TSEN2: variants seen among roughly 807,000 people sequenced by gnomAD.
The protein encoded by TSEN2 is tRNA-splicing endonuclease subunit Sen2.
Under a neutral mutation model 59.2 loss-of-function variants are expected in TSEN2, and 54 were observed. The ratio of observed to expected loss-of-function variants is 0.91; its 90% confidence interval spans 0.73 to 1.14. The LOEUF (loss-of-function observed/expected upper bound fraction) is 1.14. TSEN2 is among the 50% of genes most tolerant of loss of function. The probability of loss-of-function intolerance (pLI) is 0.00; values close to 1 mark genes in which losing one functional copy is unlikely to be tolerated. For synonymous variants in TSEN2, 195 were observed against 198.2 expected (o/e 0.98, Z 0.14); for missense variants, 636 against 576.2 (o/e 1.10, Z -1.06).
At position 12,516,655 on chromosome 3, in the gene TSEN2, T is replaced by C; in HGVS notation, c.954T>C (p.Tyr318=). 3.7e-6 allele frequency: 6 copies of C among 1,613,992 alleles called. No homozygotes were observed. Among genetic ancestry groups the C allele is most frequent in the Middle Eastern group, 1.6e-4 (1 of 6,062 alleles). The change falls in exon 7 of 12, where the codon TAT becomes TAC. Residue 318 remains tyrosine (Y), a synonymous_variant. Transcript: ENST00000284995. ...CTCTGGGATGTTTAAGTATTTACTA[T>C]GAGAAGGTAAGATGCTTTGTTTACA... is the stretch of plus-strand genomic sequence containing the variant. ...VYALGCLSIY[Y]EKEPLTIVKL...
intron 4 of TSEN2, among the ~76,000 whole-genome samples, chr3:12,497,220 T>C (rs299649): frequency 0.55 from 83,582 of 151,992 alleles, 24,776 homozygotes; most frequent in African/African-American, 0.77. Flanking sequence ...CTCTCTGCAG[T>C]GCCACACTTT....
intron 6 of TSEN2, among the ~76,000 whole-genome samples, chr3:12,510,493 A>G (rs2055324496): frequency 6.6e-6 from 1 of 152,230 alleles, no homozygotes; most frequent in African/African-American, 2.4e-5. Context: ...TAGTCCCCAC[A>G]CAGGAGGACC....
intron 8 of TSEN2, among the ~76,000 whole-genome samples, chr3:12,525,069 A>G (rs13085459): frequency 0.09 from 13,714 of 151,890 alleles, 768 homozygotes; most frequent in Admixed American, 0.17. Context: ...TGGTCACTCT[A>G]CCTTCTTGTT....
At chr3:12,517,090 G>T (rs773276820) in intron 7 of TSEN2, among the ~76,000 whole-genome samples, 1 of 152,164 alleles carries the variant, frequency 6.6e-6, no homozygotes, top group East Asian at 1.9e-4. Flanking sequence ...GCTCACGCCT[G>T]TAATCCCAGC....
rs2054543567 is a variant in TSEN2 at position 12,503,790 on chromosome 3, T to C, written c.831+6T>C. 1.2e-6 allele frequency: 2 copies of C among 1,613,214 alleles called. No homozygotes were observed. Among genetic ancestry groups the C allele is most frequent in the East Asian group, 2.2e-5 (1 of 44,866 alleles). On this transcript the variant is annotated splice_donor_region_variant and intron_variant, in intron 5 of 11. Coordinates refer to ENST00000284995, the MANE Select transcript of TSEN2 (RefSeq NM_025265.4). ...AGGCTGCCCCAAATGAGGAAGTAAGTAGAAGAAAATAAATCGCTTCCTCCA... is the reference window on the plus strand; with the variant it reads ...AGGCTGCCCCAAATGAGGAAGTAAGCAGAAGAAAATAAATCGCTTCCTCCA...
At position 12,523,526 on chromosome 3, in the gene TSEN2, C is replaced by CTTTTGTTTTTTTTTTTTTTTTTTTT. The variant is rs2056822013; in HGVS notation, c.1099+4333_1099+4334insGTTTTTTTTTTTTTTTTTTTTTTTT. On this transcript the variant is annotated intron_variant, in intron 8 of 11. Coordinates refer to ENST00000284995, the MANE Select transcript of TSEN2 (RefSeq NM_025265.4). ...CTTCTCCTCATCTTCCTCTTTGATT[C>CTTTTGTTTTTTTTTTTTTTTTTTTT]TTTTTTTTTTTTTTTTTTTTTTTTT... is the stretch of plus-strand genomic sequence containing the variant. 4.3e-5 allele frequency among the ~76,000 whole-genome samples: 2 copies of CTTTTGTTTTTTTTTTTTTTTTTTTT among 46,478 alleles called. 1 individual carries two copies. Among genetic ancestry groups the CTTTTGTTTTTTTTTTTTTTTTTTTT allele is most frequent in the Non-Finnish European group, 8.7e-5 (2 of 23,032 alleles). 30.5% of individuals were successfully genotyped at this position (46,478 alleles called of 152,430 possible). A position where few individuals can be genotyped will look rare whatever the true frequency, so the allele number is the denominator to read the frequency against.
Position 12,528,834 on chromosome 3 carries a change from CCT to C in TSEN2, c.1100-48_1100-47del, listed in dbSNP as rs1376012072. 2.3e-5 allele frequency: 36 copies of C among 1,592,396 alleles called. No individual in the cohort carries two copies. The African/African-American group carries it at 4.3e-4, about 19-fold the overall frequency. ...AGCAAGCTTTTTGTTGAGTCTTACT[CCT>C]CTCTCATTATTTTGAGTGGTTATAC... On this transcript the variant is annotated intron_variant, in intron 8 of 11. Coordinates refer to ENST00000284995, the MANE Select transcript of TSEN2 (RefSeq NM_025265.4).
downstream of TSEN2, among the ~76,000 whole-genome samples, chr3:12,534,619 G>A (rs1403734186): frequency 2.0e-5 from 3 of 152,010 alleles, no homozygotes; most frequent in African/African-American, 4.8e-5. Context: ...TGGCTAACAC[G>A]GTGAAACCCC....
chr3:12,505,783 CAAAAAAAAAAAA>C (rs34334319), intron 6 of TSEN2, among the ~76,000 whole-genome samples: 1 of 84,684 alleles, frequency 1.2e-5, no homozygotes, highest in Non-Finnish European at 2.3e-5. Flanking sequence ...AACTCTGTCT[CAAAAAAAAAAAA>C]AAAAAAAAAG....
At chr3:12,503,837 G>T in intron 5 of TSEN2, 53 bp downstream of exon 5, 1 of 1,580,582 alleles carries the variant, frequency 6.3e-7, no homozygotes, top group Non-Finnish European at 8.6e-7. Context: ...TCCTGGAGAT[G>T]TTGGCTAATA....
intron 8 of TSEN2, among the ~76,000 whole-genome samples, chr3:12,524,963 C>T (rs1382904635): frequency 6.6e-6 from 1 of 152,010 alleles, no homozygotes; most frequent in Non-Finnish European, 1.5e-5. Context: ...AGGCTGGTCT[C>T]GAACTCCTGG....
chr3:12,483,000 C>T, upstream of TSEN2, among the ~76,000 whole-genome samples: 1 of 152,204 alleles, frequency 6.6e-6, no homozygotes, highest in Non-Finnish European at 1.5e-5. Flanking sequence ...CCTAGCCTAG[C>T]AGTGAAGGTC....
intron 8 of TSEN2, among the ~76,000 whole-genome samples, chr3:12,520,462 T>C (rs1391968151): frequency 6.6e-6 from 1 of 152,214 alleles, no homozygotes; most frequent in African/African-American, 2.4e-5. Flanking sequence ...TTCTTTTTAA[T>C]TAAATCAATA....
At chr3:12,527,806 C>T (rs1197707080) in intron 8 of TSEN2, among the ~76,000 whole-genome samples, 2 of 152,178 alleles carry the variant, frequency 1.3e-5, no homozygotes, top group African/African-American at 2.4e-5. Flanking sequence ...TCCAAGGTCA[C>T]GTTCCATACC....
At chr3:12,537,415 TGAAAAA>T (rs2057697748), downstream of TSEN2, among the ~76,000 whole-genome samples, 1 of 151,992 alleles carries the variant, frequency 6.6e-6, no homozygotes, top group Non-Finnish European at 1.5e-5. Flanking sequence ...AATAAATAAA[TGAAAAA>T]GAAAAGAGCT....
intron 6 of TSEN2, 46 bp downstream of exon 6, chr3:12,505,277 T>A (rs751355054): frequency 7.0e-6 from 8 of 1,148,446 alleles, no homozygotes; most frequent in Non-Finnish European, 1.1e-5. Flanking sequence ...TCTCTGGGCC[T>A]GAACTACACT....
rs2055654626 is a variant in TSEN2 at position 12,513,050 on chromosome 3, AT to A, written c.910-3557del. 2.0e-5 allele frequency among the ~76,000 whole-genome samples: 3 copies of A among 152,322 alleles called. No individual in the cohort carries two copies. In the South Asian group the frequency reaches 6.2e-4, roughly 32 times the overall value. On this transcript the variant is annotated intron_variant, in intron 6 of 11. Transcript: ENST00000284995. Reference sequence around the variant, plus strand: ...ACCTCTCCAGTCTACTGATAATTTAATTTTAAATAAAACCAACTCAGTTGAA... The same window carrying A: ...ACCTCTCCAGTCTACTGATAATTTAATTTAAATAAAACCAACTCAGTTGAA...
intron 8 of TSEN2, among the ~76,000 whole-genome samples, chr3:12,527,337 A>C (rs752575155): frequency 4.9e-4 from 75 of 152,286 alleles, no homozygotes; most frequent in Non-Finnish European, 3.7e-4. Flanking sequence ...TTTGGCTCTG[A>C]GCTTCCTGAG....
At chr3:12,510,693 A>T (rs1480131716) in intron 6 of TSEN2, among the ~76,000 whole-genome samples, 2 of 152,190 alleles carry the variant, frequency 1.3e-5, no homozygotes, top group African/African-American at 4.8e-5. Context: ...GATTCCAAGT[A>T]TCAGAATCTG....
Sources: allele counts gnomAD v4.1 joint callset (sites outside exome capture counted in the v4.1 genomes callset), GRCh38; gene constraint gnomAD v4.1.1; transcripts MANE v1.5; gene names NCBI Gene and HGNC (gene_info 2026-07-23, HGNC 2026-07-21).